The following RPRD2 variants were observed in gnomAD, a reference collection of about 807,000 sequenced individuals.
The protein encoded by RPRD2 is regulation of nuclear pre-mRNA domain containing 2.
RPRD2 carries 12 observed loss-of-function variants against 104.4 expected under a neutral mutation model. The observed-to-expected ratio is 0.11, with a 90% CI of 0.07 to 0.19. RPRD2 has a LOEUF of 0.19. RPRD2 is among the 10% of genes least tolerant of loss of function. The probability of loss-of-function intolerance (pLI) is 1.00; values close to 1 mark genes in which losing one functional copy is unlikely to be tolerated. For synonymous variants in RPRD2, 714 were observed against 684.9 expected, an observed-to-expected ratio of 1.04 and a Z score of -0.66; for missense variants, 1,543 against 1,790.1, an observed-to-expected ratio of 0.86 and a Z score of 2.49.
intron 2 of RPRD2, among the ~76,000 whole-genome samples, chr1:150,426,964 G>A (rs782266713): frequency 6.6e-6 from 1 of 151,780 alleles, no homozygotes; most frequent in Non-Finnish European, 1.5e-5. Context: ...GGCCAACATA[G>A]TGAAACCCTG....
intron 10 of RPRD2, among the ~76,000 whole-genome samples, chr1:150,469,153 G>C (rs1668458422): frequency 6.6e-6 from 1 of 152,112 alleles, no homozygotes; most frequent in Non-Finnish European, 1.5e-5. Context: ...AAATTTTGAA[G>C]AAATGTTAAT....
intron 2 of RPRD2, among the ~76,000 whole-genome samples, chr1:150,433,697 G>A (rs1553892468): frequency 6.5e-5 from 8 of 122,494 alleles, no homozygotes; most frequent in Admixed American, 7.6e-5. Context: ...GCCCGCCTCG[G>A]CCTCCCAAAG....
intron 1 of RPRD2, among the ~76,000 whole-genome samples, chr1:150,388,375 C>CGTATATACATGTATATACGT (rs33946912): frequency 7.0e-6 from 1 of 142,962 alleles, no homozygotes; most frequent in Non-Finnish European, 1.5e-5. Flanking sequence ...CATGTATACA[C>CGTATATACATGTATATACGT]ATATACACGT....
Position 150,446,478 on chromosome 1 carries a change from C to T in RPRD2, c.870+77C>T, listed in dbSNP as rs1184417132. 11 of 1,257,458 alleles carry T rather than the reference C, an allele frequency of 8.7e-6. No homozygotes were observed. In the African/African-American group the frequency reaches 1.4e-4, roughly 16 times the overall value. 77.9% of individuals were successfully genotyped at this position (1,257,458 alleles called of 1,614,324 possible). A position where few individuals can be genotyped will look rare whatever the true frequency, so the allele number is the denominator to read the frequency against. ...GAGATTGTTAACATGCATTATCTAA[C>T]TCTGTTAGGATATGCATTTTTATCT... On this transcript the variant is annotated intron_variant, in intron 7 of 10. Coordinates refer to ENST00000369068, the MANE Select transcript of RPRD2 (RefSeq NM_015203.5).
At chr1:150,459,955 G>C in intron 8 of RPRD2, 105 bp from the exon 9 acceptor site, 3 of 942,508 alleles carry the variant, frequency 3.2e-6, no homozygotes, top group Non-Finnish European at 4.8e-6. Context: ...CTCTAAAGTA[G>C]TGCCTTTTCC....
Position 150,364,675 on chromosome 1 carries a change from C to T in RPRD2, c.-40C>T, listed in dbSNP as rs781928716. Reference sequence around the variant, plus strand: ...CCGCTCCCGCCGCCGCCGCCGCCGCCGCCGCCAGAGGAGCAGCAGCGCTTG... The same window carrying T: ...CCGCTCCCGCCGCCGCCGCCGCCGCTGCCGCCAGAGGAGCAGCAGCGCTTG... On this transcript the variant is annotated 5_prime_UTR_variant, in exon 1 of 11. Transcript: ENST00000369068. 1.4e-5 allele frequency: 18 copies of T among 1,249,662 alleles called. No homozygotes were observed. The highest frequency in any genetic ancestry group is 2.0e-5 in the Non-Finnish European group (18 of 902,150). 77.4% of individuals were successfully genotyped at this position (1,249,662 alleles called of 1,614,324 possible).
chr1:150,466,583 C>CT, intron 10 of RPRD2, among the ~76,000 whole-genome samples: 1 of 149,502 alleles, frequency 6.7e-6, no homozygotes, highest in Non-Finnish European at 1.5e-5. Flanking sequence ...ATGAATATAT[C>CT]TTTTTTTGTC....
At chr1:150,435,337 A>G (rs1665922115) in intron 2 of RPRD2, among the ~76,000 whole-genome samples, 1 of 152,192 alleles carries the variant, frequency 6.6e-6, no homozygotes, top group Non-Finnish European at 1.5e-5. Context: ...AGTGAAAGGA[A>G]GAGTCACACA....
Position 150,413,271 on chromosome 1 carries a change from A to G in RPRD2, c.206-4325A>G, listed in dbSNP as rs587721347. The stretch of plus-strand genomic sequence containing the variant: ...TCAGAATTGCTAAAATTCTGACTAA[A>G]GAGTAGTAACAGATAGAAAAAGAGG... On this transcript the variant is annotated intron_variant, in intron 1 of 10. Coordinates refer to ENST00000369068, the MANE Select transcript of RPRD2 (RefSeq NM_015203.5). Among the ~76,000 whole-genome samples the G allele has an allele frequency of 7.2e-5, 11 of 152,330 alleles. No individual in the cohort carries two copies. In the East Asian group the frequency reaches 1.7e-3, roughly 24 times the overall value.
At chr1:150,387,529 C>A (rs1661654893) in intron 1 of RPRD2, among the ~76,000 whole-genome samples, 2 of 140,990 alleles carry the variant, frequency 1.4e-5, no homozygotes, top group African/African-American at 5.2e-5. Flanking sequence ...ATCCTTCCAC[C>A]AGAAATACAA....
intron 1 of RPRD2, among the ~76,000 whole-genome samples, chr1:150,392,943 A>G (rs1662203729): frequency 6.6e-6 from 1 of 152,218 alleles, no homozygotes; most frequent in African/African-American, 2.4e-5. Flanking sequence ...TAAAAGCACA[A>G]CATAAAATGA....
chr1:150,426,068 T>C (rs1401771271), intron 2 of RPRD2, among the ~76,000 whole-genome samples: 1 of 152,124 alleles, frequency 6.6e-6, no homozygotes. Flanking sequence ...GTCACTGCAC[T>C]CTGCCTTGAG....
chr1:150,434,619 C>T (rs1183862968), intron 2 of RPRD2, among the ~76,000 whole-genome samples: 2 of 152,066 alleles, frequency 1.3e-5, no homozygotes, highest in African/African-American at 4.8e-5. Context: ...AGTTCAAGAC[C>T]AGCCTGGACA....
chr1:150,409,690 C>T (rs587675560), intron 1 of RPRD2, among the ~76,000 whole-genome samples: 15 of 142,914 alleles, frequency 1.0e-4, no homozygotes, highest in African/African-American at 3.5e-4. Context: ...GCTCTTTCAC[C>T]CAGGCTGAAG....
chr1:150,472,105 G>A lies in RPRD2; in HGVS notation c.3157G>A (p.Asp1053Asn). 6.2e-7 allele frequency: 1 copy of A among 1,613,850 alleles called. No individual in the cohort carries two copies. Among genetic ancestry groups the A allele is most frequent in the Non-Finnish European group, 8.5e-7 (1 of 1,179,896 alleles). The change falls in exon 11 of 11, where the codon GAT becomes AAT. Residue 1053 changes from aspartate to asparagine, a missense_variant. Around this residue, in one of 4 missense-constraint regions of RPRD2, gnomAD observed 880 missense variants for 885.6 expected, o/e 0.99. Coordinates refer to ENST00000369068, the MANE Select transcript of RPRD2 (RefSeq NM_015203.5). The stretch of plus-strand genomic sequence containing the variant: ...CACCCAACCCAGCTTGACCGCCACT[G>A]ATCAGCAGCAACAAGAAGAGCACTA... The part of the protein sequence containing the change: ...NLTQPSLTAT[D>N]QQQQEEHYRI...
chr1:150,439,498 A>G (rs1666264387), intron 2 of RPRD2, among the ~76,000 whole-genome samples: 1 of 152,164 alleles, frequency 6.6e-6, no homozygotes, highest in Non-Finnish European at 1.5e-5. Flanking sequence ...AGAAAATTGT[A>G]AGGTTTAATA....
intron 1 of RPRD2, among the ~76,000 whole-genome samples, chr1:150,400,476 CGTT>C (rs1662890222): frequency 6.6e-6 from 1 of 152,154 alleles, no homozygotes; most frequent in Non-Finnish European, 1.5e-5. Flanking sequence ...GATCATCAGG[CGTT>C]GTTCTTATAG....
intron 2 of RPRD2, among the ~76,000 whole-genome samples, chr1:150,425,215 A>G (rs1553890355): frequency 2.0e-5 from 3 of 152,256 alleles, no homozygotes; most frequent in African/African-American, 7.2e-5. Context: ...CATTTAATAA[A>G]CAATAAATAT....
intron 8 of RPRD2, among the ~76,000 whole-genome samples, chr1:150,459,035 GT>G (rs1156751362): frequency 1.3e-5 from 2 of 152,174 alleles, no homozygotes; most frequent in Non-Finnish European, 2.9e-5. Flanking sequence ...AAATAGCACT[GT>G]TTTGGGATGA....
Sources: allele counts gnomAD v4.1 joint callset (sites outside exome capture counted in the v4.1 genomes callset), GRCh38; gene constraint gnomAD v4.1.1; regional missense constraint gnomAD v4.1.1; transcripts MANE v1.5; gene names NCBI Gene and HGNC (gene_info 2026-07-23, HGNC 2026-07-21).